The following OAS1 variants were observed in gnomAD, a reference collection of about 807,000 sequenced individuals.
OAS1 encodes 2'-5'-oligoadenylate synthetase 1.
A neutral mutation model predicts 38.5 loss-of-function variants in OAS1; 24 were observed. The ratio of observed to expected loss-of-function variants is 0.62; its 90% CI spans 0.45 to 0.88. The LOEUF (loss-of-function observed/expected upper bound fraction) is 0.88. OAS1 is among the 40% of genes least tolerant of loss of function. The pLI is 0.00. For synonymous variants in OAS1, 169 were observed against 193.9 expected (o/e 0.87, Z 1.07); for missense variants, 482 against 493.9 (o/e 0.98, Z 0.23).
Position 112,916,493 on chromosome 12 carries a change from T to C in OAS1, c.655-16T>C, listed in dbSNP as rs775924434. ...GAGCAAACCAATTTTTTTCTGATTG[T>C]TTTTCCTCTTCTCAGTGTAAGAAGA... is the stretch of plus-strand genomic sequence containing the variant. On this transcript the variant is annotated splice_polypyrimidine_tract_variant and intron_variant, in intron 3 of 5. Transcript: ENST00000202917. 6.2e-7 allele frequency: 1 copy of C among 1,607,356 alleles called. No individual in the cohort carries two copies. Among genetic ancestry groups the C allele is most frequent in the South Asian group, 1.1e-5 (1 of 90,840 alleles).
downstream of OAS1, among the ~76,000 whole-genome samples, chr12:112,924,368 A>G (rs1437979755): frequency 2.0e-5 from 3 of 152,038 alleles, no homozygotes; most frequent in Admixed American, 1.3e-4. Flanking sequence ...TTATTTCTAC[A>G]TTAATTTTAT....
At chr12:112,923,608 A>G (rs1391379553), downstream of OAS1, among the ~76,000 whole-genome samples, 1 of 152,180 alleles carries the variant, frequency 6.6e-6, no homozygotes, top group Non-Finnish European at 1.5e-5. Flanking sequence ...CATATTGTGG[A>G]GATTAACCCT....
chr12:112,917,995 A>G, intron 5 of OAS1: 2 of 1,209,934 alleles, frequency 1.7e-6, no homozygotes, highest in African/African-American at 1.5e-5. Context: ...AAGCCCTTTA[A>G]TATGCACTCT....
Position 112,916,766 on chromosome 12 carries a change from C to T in OAS1, c.884+28C>T, listed in dbSNP as rs200026604. ...ATGCTATCCCCACATGGCTTAGCTC[C>T]CCTATGTAAATGAACACCTGGATAC... is the stretch of plus-strand genomic sequence containing the variant. On this transcript the variant is annotated intron_variant, in intron 4 of 5. Transcript: ENST00000202917. The T allele has an allele frequency of 2.4e-5, 37 of 1,538,650 alleles. No individual in the cohort carries two copies. The African/African-American group carries it at 4.6e-4, about 19-fold the overall frequency.
chr12:112,928,987 C>G (rs1462537236), intron 6 of OAS1, among the ~76,000 whole-genome samples: 2 of 152,194 alleles, frequency 1.3e-5, no homozygotes, highest in Non-Finnish European at 2.9e-5. Flanking sequence ...CCCAGGGCCT[C>G]TACATCTCTC....
chr12:112,910,036 T>G (rs1329289790), intron 2 of OAS1, among the ~76,000 whole-genome samples: 1 of 152,094 alleles, frequency 6.6e-6, no homozygotes, highest in African/African-American at 2.4e-5. Flanking sequence ...TTGTGCCATC[T>G]CCTGTGTTGG....
Position 112,928,541 on chromosome 12 carries a change from G to C in OAS1, c.1168-3337G>C, listed in dbSNP as rs1168615247. ...AGCTGGGCACCTCTGTATATGCTGT[G>C]GGTTCTCCTGAGCTCAACTCCTTCC... On this transcript the variant is annotated intron_variant, in intron 6 of 6. Transcript: ENST00000540589. Among the ~76,000 whole-genome samples, 8 of 152,336 alleles carry C rather than the reference G, an allele frequency of 5.3e-5. No homozygotes were observed. The East Asian group carries it at 1.5e-3, about 29-fold the overall frequency.
intron 6 of OAS1, among the ~76,000 whole-genome samples, chr12:112,930,818 C>T (rs2043592407): frequency 6.6e-6 from 1 of 152,256 alleles, no homozygotes; most frequent in South Asian, 2.1e-4. Flanking sequence ...GTTACGCTCC[C>T]CTGGGGGTGT....
intron 5 of OAS1, chr12:112,919,102 C>T (rs936440181): frequency 1.1e-5 from 4 of 370,000 alleles, no homozygotes; most frequent in Non-Finnish European, 2.0e-5. Context: ...CCCATGGTGA[C>T]AGAGGTGGCC....
Position 112,916,542 on chromosome 12 carries a change from T to A in OAS1, c.688T>A (p.Tyr230Asn), listed in dbSNP as rs751513518. The stretch of plus-strand genomic sequence containing the variant: ...GAAGCTTGGGAAGCTGCCACCTCAG[T>A]ATGCCCTGGAGCTCCTGACGGTCTA... ...KKKLGKLPPQYALELLTVYAW... is the reference protein window; with the variant it reads ...KKKLGKLPPQNALELLTVYAW... The change falls in exon 4 of 6, where the codon TAT becomes AAT. Residue 230 changes from tyrosine to asparagine, a missense_variant. Coordinates refer to ENST00000202917, the MANE Select transcript of OAS1 (RefSeq NM_016816.4). 2 of 1,614,164 alleles carry A rather than the reference T, an allele frequency of 1.2e-6. No individual in the cohort carries two copies. The highest frequency in any genetic ancestry group is 1.7e-6 in the Non-Finnish European group (2 of 1,180,016).
intron 2 of OAS1, 147 bp from the exon 3 acceptor site, chr12:112,910,904 G>A: frequency 4.5e-6 from 3 of 668,800 alleles, no homozygotes; most frequent in Non-Finnish European, 7.5e-6. Flanking sequence ...CAGGAGGGAG[G>A]ATCAGGAATG....
chr12:112,924,544 T>C (rs1284131992), downstream of OAS1, among the ~76,000 whole-genome samples: 1 of 152,062 alleles, frequency 6.6e-6, no homozygotes, highest in Admixed American at 6.5e-5. Context: ...TTGTCCTCTT[T>C]AGTGACAGTG....
At chr12:112,914,627 G>T (rs1368124887) in intron 3 of OAS1, among the ~76,000 whole-genome samples, 1 of 151,544 alleles carries the variant, frequency 6.6e-6, no homozygotes, top group Non-Finnish European at 1.5e-5. Context: ...TTTTTATTAT[G>T]ACCATTCTTG....
At chr12:112,917,951 A>G in intron 5 of OAS1, 1 of 1,414,002 alleles carries the variant, frequency 7.1e-7, no homozygotes, top group Non-Finnish European at 9.2e-7. Flanking sequence ...AACACCATTT[A>G]TTGACTGTCT....
downstream of OAS1, among the ~76,000 whole-genome samples, chr12:112,924,081 A>G (rs937390587): frequency 6.6e-6 from 1 of 152,242 alleles, no homozygotes; most frequent in Non-Finnish European, 1.5e-5. Flanking sequence ...GAAGGGGTTC[A>G]GTTCCAGTTC....
chr12:112,927,673 TG>T (rs2043568072), intron 6 of OAS1, among the ~76,000 whole-genome samples: 1 of 152,254 alleles, frequency 6.6e-6, no homozygotes, highest in Non-Finnish European at 1.5e-5. Context: ...CATTAGCTGC[TG>T]TAACAAACAG....
At chr12:112,908,855 T>A in intron 2 of OAS1, 31 bp downstream of exon 2, 1 of 1,539,018 alleles carries the variant, frequency 6.5e-7, no homozygotes, top group Non-Finnish European at 8.7e-7. Flanking sequence ...TTTCTCCCTC[T>A]TCCCATTTCT....
intron 6 of OAS1, among the ~76,000 whole-genome samples, chr12:112,928,913 GGGAGAGGGTGTGTTTATGGAT>G (rs2043579072): frequency 6.6e-6 from 1 of 152,200 alleles, no homozygotes; most frequent in Non-Finnish European, 1.5e-5. Context: ...TGAGGATTGG[GGGAGAGGGTGTGTTTATGGAT>G]TCTACAGCAA....
chr12:112,909,801 A>G (rs1259422340), intron 2 of OAS1, among the ~76,000 whole-genome samples: 1 of 152,240 alleles, frequency 6.6e-6, no homozygotes, highest in Non-Finnish European at 1.5e-5. Flanking sequence ...ATGCGATGAC[A>G]TCTGTCACAC....
Sources: gnomAD v4.1 joint callset for allele counts (sites outside exome capture counted in the v4.1 genomes callset) on GRCh38, gnomAD v4.1.1 for gene constraint, MANE v1.5 for transcripts, NCBI Gene and HGNC (gene_info 2026-07-23, HGNC 2026-07-21) for gene names.